DHRS4L2: variants seen among roughly 807,000 people sequenced by gnomAD.
DHRS4L2 encodes dehydrogenase/reductase 4 like 2, also known as dehydrogenase/reductase SDR family member 4-like 2.
In DHRS4L2, 22 loss-of-function variants were observed where a neutral mutation model predicts 23.9. The ratio of observed to expected loss-of-function variants is 0.92; its 90% CI spans 0.66 to 1.31. The LOEUF is 1.31. Among genes scored for constraint, DHRS4L2 ranks in the 40% most tolerant of loss-of-function variants. The pLI is 0.00. For missense variants in DHRS4L2, 385 were observed against 303.3 expected (o/e 1.27, Z -2.00); for synonymous variants, 141 against 123.7 (o/e 1.14, Z -0.93).
At position 24,001,393 on chromosome 14, in the gene DHRS4L2, C is replaced by A. The variant is rs551390746; in HGVS notation, c.541C>A (p.Pro181Thr). Residue 181 changes from proline to threonine, a missense_variant, in exon 6 of 8, where the codon CCT (proline) becomes ACT (threonine). Physicochemically the swap from Pro to Thr is conservative, Grantham distance 38. Coordinates refer to ENST00000335125, the MANE Select transcript of DHRS4L2 (RefSeq NM_198083.4). ...TCTCTTCTTTCTCCAGGGCTTCAGTCCTTACAATGTCAGTAAAACAGCCTT... is the reference window on the plus strand; with the variant it reads ...TCTCTTCTTTCTCCAGGGCTTCAGTACTTACAATGTCAGTAAAACAGCCTT... ...AAFSPSPGFS[P>T]YNVSKTALLG... The A allele has an allele frequency of 6.2e-7, 1 of 1,607,136 alleles. No homozygotes were observed. Among genetic ancestry groups the A allele is most frequent in the East Asian group, 2.2e-5 (1 of 44,468 alleles).
At position 23,988,945 on chromosome 14, in the gene DHRS4L2, T is replaced by A; in HGVS notation, c.-3T>A. ...GTGGAACCCAGACTTGCTGGTCTGA[T>A]CCATGCAGATGGCCAGGCTGCTAGG... On this transcript the variant is annotated 5_prime_UTR_variant, in exon 1 of 8. Coordinates refer to ENST00000335125, the MANE Select transcript of DHRS4L2 (RefSeq NM_198083.4). 6.2e-7 allele frequency: 1 copy of A among 1,611,930 alleles called. No individual in the cohort carries two copies. The highest frequency in any genetic ancestry group is 1.1e-5 in the South Asian group (1 of 90,824).
chr14:23,984,782 G>A (rs1418647518), upstream of DHRS4L2, among the ~76,000 whole-genome samples: 11 of 116,576 alleles, frequency 9.4e-5, no homozygotes, highest in Non-Finnish European at 1.5e-4. Flanking sequence ...ACTCCAGCCT[G>A]ATGACAGAGC....
chr14:23,993,298 G>A (rs554499793), intron 2 of DHRS4L2, among the ~76,000 whole-genome samples: 2 of 151,770 alleles, frequency 1.3e-5, no homozygotes, highest in African/African-American at 2.4e-5. Flanking sequence ...TATTAATACC[G>A]ATTTTAAAAG....
chr14:23,995,392 C>G (rs537194743), intron 3 of DHRS4L2, among the ~76,000 whole-genome samples: 4 of 151,858 alleles, frequency 2.6e-5, no homozygotes, highest in Admixed American at 2.6e-4. Flanking sequence ...CAGGCTTCTT[C>G]CCTGGCATGC....
intron 2 of DHRS4L2, among the ~76,000 whole-genome samples, chr14:23,991,252 G>C (rs1352063913): frequency 6.6e-6 from 1 of 151,714 alleles, no homozygotes; most frequent in African/African-American, 2.4e-5. Flanking sequence ...TTAAGGAACA[G>C]TCTGGCAGAC....
chr14:23,991,353 G>C (rs1250214341), intron 2 of DHRS4L2, among the ~76,000 whole-genome samples: 40 of 151,714 alleles, frequency 2.6e-4, no homozygotes, highest in Non-Finnish European at 4.9e-4. Context: ...GGTCGACAAA[G>C]CCCAAGATTG....
At chr14:23,999,367 A>AAAAAAAAAAAAAAAACAAAAC (rs1555330042) in intron 3 of DHRS4L2, among the ~76,000 whole-genome samples, 11 of 116,800 alleles carry the variant, frequency 9.4e-5, no homozygotes, top group South Asian at 6.5e-4. Flanking sequence ...AAAAAAAAAA[A>AAAAAAAAAAAAAAAACAAAAC]AAAAAAACAA....
intron 1 of DHRS4L2, among the ~76,000 whole-genome samples, chr14:23,982,178 A>G (rs2034066229): frequency 6.6e-6 from 1 of 151,736 alleles, no homozygotes. Flanking sequence ...TGCAGGGCAG[A>G]GGTCCCTGCG....
chr14:23,991,793 A>G (rs1397104297), intron 2 of DHRS4L2, among the ~76,000 whole-genome samples: 1 of 148,532 alleles, frequency 6.7e-6, no homozygotes, highest in Non-Finnish European at 1.5e-5. Context: ...CTGAAGTGAT[A>G]TGGCACAATC....
upstream of DHRS4L2, among the ~76,000 whole-genome samples, chr14:23,988,553 G>A (rs1403855170): frequency 1.3e-5 from 2 of 151,122 alleles, no homozygotes; most frequent in African/African-American, 2.4e-5. Flanking sequence ...GACTTTCTTG[G>A]AGAAGGAATT....
chr14:23,989,022 C>G lies in DHRS4L2; in HGVS notation c.75C>G (p.Thr25=). 1.2e-6 allele frequency: 2 copies of G among 1,604,880 alleles called. No individual in the cohort carries two copies. Among genetic ancestry groups the G allele is most frequent in the Non-Finnish European group, 1.7e-6 (2 of 1,175,844 alleles). ...KSVRMASSRM[T]RRDPLTNKVA... ...TGCGGATGGCCAGCTCCAGGATGAC[C>G]CGCCGGGACCCGCTCACAAATAAGG... Residue 25 remains threonine (T), a synonymous_variant, in exon 1 of 8, where the codon ACC becomes ACG. Transcript: ENST00000335125.
upstream of DHRS4L2, among the ~76,000 whole-genome samples, chr14:23,987,675 CAA>C (rs1487246187): frequency 6.9e-6 from 1 of 144,254 alleles, no homozygotes; most frequent in Non-Finnish European, 1.5e-5. Flanking sequence ...CACACACACA[CAA>C]AAAGAAGGAA....
exon 1 of DHRS4L2, chr14:23,969,929 G>C (rs2033809849): frequency 2.2e-6 from 1 of 450,174 alleles, no homozygotes; most frequent in African/African-American, 2.0e-5. Flanking sequence ...CCAAGGCCCG[G>C]TGGGGGGAGG....
At chr14:23,993,184 T>G (rs1281944972) in intron 2 of DHRS4L2, among the ~76,000 whole-genome samples, 2 of 151,560 alleles carry the variant, frequency 1.3e-5, no homozygotes, top group African/African-American at 4.8e-5. Flanking sequence ...ATTAACTTAC[T>G]CTGCACCTCC....
chr14:23,974,611 C>G (rs1015088036), intron 1 of DHRS4L2, among the ~76,000 whole-genome samples: 2 of 151,834 alleles, frequency 1.3e-5, no homozygotes, highest in African/African-American at 4.8e-5. Flanking sequence ...TCAGAGAATA[C>G]TATAAACACC....
At position 24,004,310 on chromosome 14, in the gene DHRS4L2, A is replaced by G. The variant is rs1156602947; in HGVS notation, c.666-27A>G. The G allele has an allele frequency of 6.4e-6, 10 of 1,570,216 alleles. No individual in the cohort carries two copies. The South Asian group carries it at 1.1e-4, about 17-fold the overall frequency. ...AAAAGAAAGGAAAAGAAAAAAAAAC[A>G]TAAAGAGATTTCCCTTCTTCCTACA... On this transcript the variant is annotated intron_variant, in intron 6 of 7. Coordinates refer to ENST00000335125, the MANE Select transcript of DHRS4L2 (RefSeq NM_198083.4).
chr14:23,986,810 C>G (rs578090679), upstream of DHRS4L2, among the ~76,000 whole-genome samples: 8 of 151,556 alleles, frequency 5.3e-5, no homozygotes, highest in East Asian at 3.9e-4. Flanking sequence ...ACCCTCCCCC[C>G]AGCCCCACAC....
intron 7 of DHRS4L2, chr14:24,004,674 G>A (rs111418997): frequency 1.7e-6 from 1 of 605,086 alleles, no homozygotes; most frequent in Admixed American, 2.6e-5. Flanking sequence ...CCACCTCTGA[G>A]CATCCATGGA....
upstream of DHRS4L2, chr14:23,987,326 T>A (rs58058506): frequency 3.8e-6 from 1 of 260,472 alleles, no homozygotes; most frequent in Non-Finnish European, 7.7e-6. Context: ...GGGACGAGTT[T>A]CACCGTGTTA....
Sources: gnomAD v4.1 joint callset for allele counts (sites outside exome capture counted in the v4.1 genomes callset) on GRCh38, gnomAD v4.1.1 for gene constraint, MANE v1.5 for transcripts, NCBI Gene and HGNC (gene_info 2026-07-23, HGNC 2026-07-21) for gene names.